COL26A1: variants seen among roughly 807,000 people sequenced by gnomAD.
COL26A1 encodes the protein collagen alpha-1(XXVI) chain.
Under a neutral mutation model 59.3 loss-of-function variants are expected in COL26A1, and 41 were observed. The observed-to-expected ratio is 0.69, with a 90% CI of 0.54 to 0.90. COL26A1 has a LOEUF of 0.90. Ranked by LOEUF, COL26A1 falls within the 40% of genes least tolerant of loss-of-function variation. The pLI is 0.00. For missense variants in COL26A1, 612 were observed against 602.3 expected (o/e 1.02, Z -0.17); for synonymous variants, 266 against 256.0 (o/e 1.04, Z -0.37).
intron 3 of COL26A1, among the ~76,000 whole-genome samples, chr7:101,469,206 TG>T (rs1174883804): frequency 6.6e-6 from 1 of 152,176 alleles, no homozygotes; most frequent in African/African-American, 2.4e-5. Context: ...CTGGAAATTC[TG>T]GGGGTCTCTC....
chr7:101,419,878 G>C, intron 1 of COL26A1, 99 bp from the exon 2 acceptor site: 2 of 1,364,718 alleles, frequency 1.5e-6, no homozygotes, highest in Non-Finnish European at 2.0e-6. Context: ...CTCCACCCCA[G>C]GTTTGCGGGG....
At position 101,381,651 on chromosome 7, in the gene COL26A1, G is replaced by A. The variant is rs557430497; in HGVS notation, c.158+18461G>A. On this transcript the variant is annotated intron_variant, in intron 1 of 12. Coordinates refer to ENST00000313669, the MANE Select transcript of COL26A1 (RefSeq NM_001278563.3). ...TAAGCCTCAAGCCCTTTTACAATCC[G>A]TATAATCTATTCGTGAGGGTGGAGC... Among the ~76,000 whole-genome samples the A allele has an allele frequency of 7.4e-4, 112 of 152,242 alleles. 1 individual carries two copies. The highest frequency in any genetic ancestry group is 1.2e-3 in the Non-Finnish European group (82 of 68,020).
At chr7:101,375,317 T>C (rs73173762) in intron 1 of COL26A1, among the ~76,000 whole-genome samples, 7,544 of 152,186 alleles carry the variant, frequency 0.05, 206 homozygotes, top group Non-Finnish European at 0.065. Context: ...TAGGAGGCCA[T>C]ATGAAAGGAT....
At chr7:101,494,127 C>CGTTTTATTTTGTTTTGTTTTGTTTT (rs71106542) in intron 3 of COL26A1, among the ~76,000 whole-genome samples, 10,863 of 151,476 alleles carry the variant, frequency 0.072, 394 homozygotes, top group East Asian at 0.086. Flanking sequence ...ATTGCATTGT[C>CGTTTTATTTTGTTTTGTTTTGTTTT]GTTTTGTTTT....
chr7:101,538,663 G>A (rs1795535889), intron 4 of COL26A1, among the ~76,000 whole-genome samples: 2 of 152,176 alleles, frequency 1.3e-5, no homozygotes, highest in Admixed American at 1.3e-4. Context: ...GCAGCCCACA[G>A]CAGGGCCTGA....
intron 2 of COL26A1, among the ~76,000 whole-genome samples, chr7:101,445,841 A>T (rs534437473): frequency 6.6e-6 from 1 of 151,118 alleles, no homozygotes; most frequent in East Asian, 2.0e-4. Flanking sequence ...CGAGGTCAGG[A>T]GATCAAGAGC....
intron 3 of COL26A1, among the ~76,000 whole-genome samples, chr7:101,471,866 C>T (rs754659752): frequency 4.6e-5 from 7 of 151,858 alleles, no homozygotes; most frequent in Non-Finnish European, 1.0e-4. Context: ...AGGCATGAGC[C>T]GCTGCGCCCG....
chr7:101,436,090 C>G (rs1478486195), intron 2 of COL26A1, among the ~76,000 whole-genome samples: 1 of 152,192 alleles, frequency 6.6e-6, no homozygotes, highest in Non-Finnish European at 1.5e-5. Context: ...GGGGGCCTGT[C>G]TGGGCTGCAT....
At chr7:101,440,558 C>T (rs1397931283) in intron 2 of COL26A1, among the ~76,000 whole-genome samples, 1 of 152,130 alleles carries the variant, frequency 6.6e-6, no homozygotes, top group Non-Finnish European at 1.5e-5. Flanking sequence ...TGAGTCTTGG[C>T]CGGTTGGGAT....
chr7:101,401,891 C>G (rs1226605483), intron 1 of COL26A1, among the ~76,000 whole-genome samples: 3 of 152,028 alleles, frequency 2.0e-5, no homozygotes, highest in Non-Finnish European at 4.4e-5. Flanking sequence ...CTGGTGGTGT[C>G]GAAGCCACGT....
At chr7:101,386,352 C>G (rs1791577935) in intron 1 of COL26A1, among the ~76,000 whole-genome samples, 1 of 151,700 alleles carries the variant, frequency 6.6e-6, no homozygotes, top group Admixed American at 6.6e-5. Flanking sequence ...TCACTGCAGC[C>G]TCAACCTCCT....
rs574852983 is a variant in COL26A1 at position 101,400,353 on chromosome 7, ATTTTTTTTTT to A, written c.159-19607_159-19598del. On this transcript the variant is annotated intron_variant, in intron 1 of 12. Transcript: ENST00000313669. ...CCACACTGCCTTTCTTTTTTTTCCT[ATTTTTTTTTT>A]TTTTTTTTTTTTTTTTGAGATGGAG... Among the ~76,000 whole-genome samples the A allele has an allele frequency of 4.4e-3, 432 of 97,244 alleles. 1 individual carries two copies. The highest frequency in any genetic ancestry group is 0.018 in the African/African-American group (401 of 22,412). The allele number at this position is 97,244 out of a possible 152,430, so 63.8% of individuals were successfully genotyped here.
At chr7:101,372,463 T>C (rs1791217827) in intron 1 of COL26A1, among the ~76,000 whole-genome samples, 1 of 151,848 alleles carries the variant, frequency 6.6e-6, no homozygotes, top group African/African-American at 2.4e-5. Flanking sequence ...CACCTGGCCT[T>C]CTGGGGAGCA....
chr7:101,554,567 TAAAA>T (rs57638079), intron 11 of COL26A1, among the ~76,000 whole-genome samples: 7 of 120,510 alleles, frequency 5.8e-5, no homozygotes, highest in South Asian at 2.8e-4. Flanking sequence ...CCCCATTTCT[TAAAA>T]AAAAAAAAAA....
intron 1 of COL26A1, among the ~76,000 whole-genome samples, chr7:101,394,659 G>A (rs1446195990): frequency 7.1e-6 from 1 of 141,564 alleles, no homozygotes; most frequent in Non-Finnish European, 1.5e-5. Flanking sequence ...CTGGGCTGAA[G>A]CGATCCTCCT....
chr7:101,447,680 T>C lies in COL26A1; in HGVS notation c.282-4T>C. 1 of 1,577,682 alleles carries C rather than the reference T, an allele frequency of 6.3e-7. No homozygotes were observed. Among genetic ancestry groups the C allele is most frequent in the Non-Finnish European group, 8.6e-7 (1 of 1,158,312 alleles). ...ATGCCCCCCTGACGCTGTCTGTGTG[T>C]TAGTTACAGGACTCTGATCAGACCC... On this transcript the variant is annotated splice_region_variant and splice_polypyrimidine_tract_variant and intron_variant, in intron 2 of 12. Coordinates refer to ENST00000313669, the MANE Select transcript of COL26A1 (RefSeq NM_001278563.3).
chr7:101,449,267 C>A (rs997086353), intron 3 of COL26A1, among the ~76,000 whole-genome samples: 2 of 152,212 alleles, frequency 1.3e-5, no homozygotes, highest in Non-Finnish European at 2.9e-5. Flanking sequence ...ACAGGTCCCT[C>A]ATGGAGGCCT....
intron 3 of COL26A1, among the ~76,000 whole-genome samples, chr7:101,487,732 C>A (rs1397800240): frequency 5.3e-5 from 8 of 152,124 alleles, no homozygotes; most frequent in Non-Finnish European, 1.0e-4. Flanking sequence ...GGTTGGCCAC[C>A]CTGCCCGTAA....
At chr7:101,503,755 G>T (rs1563016187) in intron 3 of COL26A1, among the ~76,000 whole-genome samples, 1 of 152,226 alleles carries the variant, frequency 6.6e-6, no homozygotes, top group Non-Finnish European at 1.5e-5. Flanking sequence ...TGCCTCAAGG[G>T]AAGGTGCTGG....
Sources: allele counts gnomAD v4.1 joint callset (sites outside exome capture counted in the v4.1 genomes callset), GRCh38; gene constraint gnomAD v4.1.1; transcripts MANE v1.5; gene names NCBI Gene and HGNC (gene_info 2026-07-23, HGNC 2026-07-21).